Variants in MRC2 observed in about 807,000 individuals in gnomAD.
MRC2 encodes C-type mannose receptor 2.
In MRC2, 84 loss-of-function variants were observed where a neutral mutation model predicts 206.2. The ratio of observed to expected loss-of-function variants is 0.41; its 90% CI spans 0.34 to 0.49. MRC2 has a LOEUF of 0.49. MRC2 is among the 20% of genes least tolerant of loss of function. The pLI is 0.31. For synonymous variants in MRC2, 798 were observed against 800.0 expected (o/e 1.00, Z 0.04); for missense variants, 1,676 against 2,001.5 (o/e 0.84, Z 3.10).
At chr17:62,688,074 C>T (rs1474700696) in intron 20 of MRC2, among the ~76,000 whole-genome samples, 6 of 152,170 alleles carry the variant, frequency 3.9e-5, no homozygotes, top group African/African-American at 1.4e-4. Flanking sequence ...TGAAGATCCC[C>T]TGGAGTGTGG....
chr17:62,692,099 C>G lies in MRC2; in HGVS notation c.4193-13C>G. The G allele has an allele frequency of 6.2e-7, 1 of 1,614,260 alleles. No homozygotes were observed. Among genetic ancestry groups the G allele is most frequent in the East Asian group, 2.2e-5 (1 of 44,886 alleles). On this transcript the variant is annotated splice_polypyrimidine_tract_variant and intron_variant, in intron 28 of 29. Coordinates refer to ENST00000303375, the MANE Select transcript of MRC2 (RefSeq NM_006039.5). The surrounding 1 kb of genome is among the most constrained non-coding windows in gnomAD (Gnocchi z 4.2). ...ACTGCTATTATTAACTGGCCCCCTC[C>G]TCTTGCCCACAGCTGAGCAGAGCAG... is the stretch of plus-strand genomic sequence containing the variant.
At chr17:62,682,474 A>C in intron 20 of MRC2, 97 bp downstream of exon 20, 1 of 1,401,036 alleles carries the variant, frequency 7.1e-7, no homozygotes, top group Non-Finnish European at 9.5e-7. Flanking sequence ...GGCAGCACCA[A>C]ACTCATGGCC....
chr17:62,690,401 C>T, intron 26 of MRC2, 96 bp downstream of exon 26: 4 of 1,461,638 alleles, frequency 2.7e-6, no homozygotes, highest in South Asian at 2.7e-5. Context: ...CTGCTCTCTA[C>T]CCATAGGCAG....
At chr17:62,674,267 ATCGCCC>A in intron 9 of MRC2, 97 bp downstream of exon 9, 3 of 857,574 alleles carry the variant, frequency 3.5e-6, no homozygotes, top group Admixed American at 6.0e-5. Flanking sequence ...CTCGCATGGC[ATCGCCC>A]TCTCGTCGGC....
chr17:62,684,545 T>C (rs772074682), intron 20 of MRC2, among the ~76,000 whole-genome samples: 10 of 150,850 alleles, frequency 6.6e-5, no homozygotes, highest in Non-Finnish European at 1.0e-4. Flanking sequence ...CCACAGTCGT[T>C]ATTTTTCCAT....
intron 1 of MRC2, among the ~76,000 whole-genome samples, chr17:62,640,872 T>C (rs1262907779): frequency 2.0e-5 from 3 of 151,762 alleles, no homozygotes; most frequent in Non-Finnish European, 4.4e-5. Context: ...TTTTGTTTTT[T>C]GTGTTTTTTT....
intron 1 of MRC2, among the ~76,000 whole-genome samples, chr17:62,661,898 C>T (rs1321447700): frequency 6.6e-6 from 1 of 151,972 alleles, no homozygotes; most frequent in Non-Finnish European, 1.5e-5. Context: ...TGTCTATGAC[C>T]TTCAACATTC....
chr17:62,661,067 G>A (rs1287484910), intron 1 of MRC2, among the ~76,000 whole-genome samples: 1 of 152,178 alleles, frequency 6.6e-6, no homozygotes, highest in African/African-American at 2.4e-5. Flanking sequence ...AATGTGAAAT[G>A]CCAGGTAGAG....
chr17:62,643,532 C>T (rs1436716310), intron 1 of MRC2, among the ~76,000 whole-genome samples: 1 of 151,940 alleles, frequency 6.6e-6, no homozygotes, highest in Admixed American at 6.6e-5. Flanking sequence ...GCAACTAGCT[C>T]ATATAAAACT....
In MRC2 at chr17:62,680,224, T is replaced by C; in HGVS notation, c.2353T>C (p.Cys785Arg). 2 of 1,614,114 alleles carry C rather than the reference T, an allele frequency of 1.2e-6. No homozygotes were observed. Among genetic ancestry groups the C allele is most frequent in the Non-Finnish European group, 1.7e-6 (2 of 1,180,000 alleles). ...GCACGACGACGACGACATCCGAGGC[T>C]GTGCGGTGCTGGACCTGGCCTCCCT... ...SRHDDDDIRGCAVLDLASLQW... is the reference protein window; with the variant it reads ...SRHDDDDIRGRAVLDLASLQW... The change falls in exon 15 of 30, where the codon TGT (cysteine) becomes CGT (arginine). Residue 785 changes from cysteine (C) to arginine (R), a missense_variant. Physicochemically the swap from Cys to Arg is radical, Grantham distance 180. Transcript: ENST00000303375. This position sits in a 1 kb window ranked among gnomAD's most constrained non-coding sequence, Gnocchi z 4.8.
At position 62,680,008 on chromosome 17, in the gene MRC2, C is replaced by G; in HGVS notation, c.2298+106C>G. On this transcript the variant is annotated intron_variant, in intron 14 of 29. Coordinates refer to ENST00000303375, the MANE Select transcript of MRC2 (RefSeq NM_006039.5). This position sits in a 1 kb window ranked among gnomAD's most constrained non-coding sequence, Gnocchi z 4.8. The stretch of plus-strand genomic sequence containing the variant: ...GGCGGGTTTTCTTGAGGGCCGGGCC[C>G]CCAGTCGGAGCCGGCTTCAGGAAAG... 1 of 1,466,810 alleles carries G rather than the reference C, an allele frequency of 6.8e-7. No homozygotes were observed. Among genetic ancestry groups the G allele is most frequent in the Admixed American group, 2.1e-5 (1 of 48,738 alleles). 90.9% of individuals were successfully genotyped at this position (1,466,810 alleles called of 1,614,324 possible). A position where few individuals can be genotyped will look rare whatever the true frequency, so the allele number is the denominator to read the frequency against.
Position 62,664,181 on chromosome 17 carries a change from G to A in MRC2, c.119-367G>A, listed in dbSNP as rs1048833883. 6.6e-6 allele frequency among the ~76,000 whole-genome samples: 1 copy of A among 151,840 alleles called. No individual in the cohort carries two copies. On this transcript the variant is annotated intron_variant, in intron 1 of 29. Coordinates refer to ENST00000303375, the MANE Select transcript of MRC2 (RefSeq NM_006039.5). This position sits in a 1 kb window ranked among gnomAD's most constrained non-coding sequence, Gnocchi z 4.7. ...TCACCGTTTTAGCCGGGATGGTCTC[G>A]ATCTCCTGACCTCGTGATCCGCCCG... is the stretch of plus-strand genomic sequence containing the variant.
chr17:62,690,881 C>G, intron 27 of MRC2, 68 bp from the exon 28 acceptor site: 2 of 1,499,386 alleles, frequency 1.3e-6, no homozygotes, highest in Non-Finnish European at 1.8e-6. Flanking sequence ...TTCTAGAACA[C>G]ACCTGCTCTC....
intron 1 of MRC2, among the ~76,000 whole-genome samples, chr17:62,640,017 C>CTTTTTTT (rs56703312): frequency 5.0e-4 from 37 of 74,344 alleles, no homozygotes; most frequent in Admixed American, 7.4e-4. Flanking sequence ...CCATGCCCAG[C>CTTTTTTT]TTTTTTTTTT....
At chr17:62,689,835 T>G in intron 24 of MRC2, 59 bp from the exon 25 acceptor site, 3 of 1,546,314 alleles carry the variant, frequency 1.9e-6, no homozygotes, top group Admixed American at 2.0e-5. Context: ...TGCCCCCGCC[T>G]TATCCGCACC....
Position 62,677,472 on chromosome 17 carries a change from C to G in MRC2, c.2038C>G (p.Arg680Gly). 1 of 1,605,154 alleles carries G rather than the reference C, an allele frequency of 6.2e-7. No homozygotes were observed. ...GGGCTGGGCCTCGGACACCAAACTC[C>G]GGTATTGCTATAAGGTAGGGCAGCC... ...PQGWASDTKL[R>G]YCYKVFSSER... The change falls in exon 12 of 30, where the codon CGG becomes GGG. Residue 680 changes from arginine (R) to glycine (G), a missense_variant. This residue lies in a region of MRC2 where 1,354 missense variants were observed against 1,636.6 expected (regional missense o/e 0.83). Transcript: ENST00000303375.
rs529665903 is a variant in MRC2 at position 62,689,726 on chromosome 17, G to A, written c.3539G>A (p.Arg1180His). The change falls in exon 24 of 30, where the codon CGC (arginine) becomes CAC (histidine). Residue 1180 changes from arginine to histidine, a missense_variant. Coordinates refer to ENST00000303375, the MANE Select transcript of MRC2 (RefSeq NM_006039.5). ...CTCACGCAGGCTGCCCGAGGGCTGCGCACGCCGCTCTGGATTGGGCTGGCT... is the reference window on the plus strand; with the variant it reads ...CTCACGCAGGCTGCCCGAGGGCTGCACACGCCGCTCTGGATTGGGCTGGCT... ...AFLTQAARGL[R>H]TPLWIGLAGE... 120 of 1,561,574 alleles carry A rather than the reference G, an allele frequency of 7.7e-5. 2 individuals carry two copies. In the South Asian group the frequency reaches 1.3e-3, roughly 16 times the overall value.
At position 62,627,733 on chromosome 17, in the gene MRC2, T is replaced by C. The variant is rs544970108; in HGVS notation, c.-70T>C. ...TGCGGGCGGTCATCACAGCCCAGCC[T>C]CGGGGCTGCCACAGCGCGTTGCGCC... On this transcript the variant is annotated 5_prime_UTR_variant, in exon 1 of 30. Transcript: ENST00000303375. 4.0e-6 allele frequency: 5 copies of C among 1,237,440 alleles called. No individual in the cohort carries two copies. Among genetic ancestry groups the C allele is most frequent in the Non-Finnish European group, 5.2e-6 (5 of 957,598 alleles). 76.7% of individuals were successfully genotyped at this position (1,237,440 alleles called of 1,614,324 possible).
chr17:62,677,923 G>C (rs886267574), intron 12 of MRC2, among the ~76,000 whole-genome samples: 1 of 152,142 alleles, frequency 6.6e-6, no homozygotes, highest in Non-Finnish European at 1.5e-5. Flanking sequence ...GGTGGCAGGC[G>C]CCTGTTGTCC....
Sources: gnomAD v4.1 joint callset for allele counts (sites outside exome capture counted in the v4.1 genomes callset) on GRCh38, gnomAD v4.1.1 for gene constraint, gnomAD v4.1.1 regional missense constraint, Gnocchi (gnomAD v3.1) non-coding constraint, MANE v1.5 for transcripts, NCBI Gene and HGNC (gene_info 2026-07-23, HGNC 2026-07-21) for gene names.